Variants in PCDH7 observed in about 807,000 individuals in gnomAD.
The protein encoded by PCDH7 is protocadherin 7.
PCDH7 carries 17 observed loss-of-function variants against 58.9 expected under a neutral mutation model. That is an observed-to-expected ratio of 0.29 (90% CI 0.20 to 0.43). The LOEUF (loss-of-function observed/expected upper bound fraction) is 0.43. Ranked by LOEUF, PCDH7 falls within the 20% of genes least tolerant of loss-of-function variation. The pLI is 1.00. For missense variants in PCDH7, 1,274 were observed against 1,441.0 expected, an observed-to-expected ratio of 0.88 and a Z score of 1.88; for synonymous variants, 664 against 616.4, an observed-to-expected ratio of 1.08 and a Z score of -1.14.
At chr4:30,844,530 C>A (rs532622762) in intron 1 of PCDH7, among the ~76,000 whole-genome samples, 1 of 152,144 alleles carries the variant, frequency 6.6e-6, no homozygotes, top group African/African-American at 2.4e-5. Flanking sequence ...CTAGCTTTTT[C>A]AAGGAACAGC....
intron 3 of PCDH7, among the ~76,000 whole-genome samples, chr4:31,069,610 G>T (rs1018868983): frequency 6.6e-6 from 1 of 151,914 alleles, no homozygotes; most frequent in African/African-American, 2.4e-5. Flanking sequence ...TTTAGTTTTT[G>T]CATAATGTTT....
At chr4:30,925,338 C>T (rs1743719260) in intron 2 of PCDH7, among the ~76,000 whole-genome samples, 1 of 152,100 alleles carries the variant, frequency 6.6e-6, no homozygotes, top group African/African-American at 2.4e-5. Context: ...CTCCTTTTCT[C>T]CTGTCTCCCA....
intron 3 of PCDH7, among the ~76,000 whole-genome samples, chr4:31,015,194 G>A (rs996214719): frequency 8.5e-5 from 13 of 152,122 alleles, no homozygotes; most frequent in African/African-American, 2.9e-4. Flanking sequence ...TGGAAACAGC[G>A]CTACTTCATG....
intron 3 of PCDH7, among the ~76,000 whole-genome samples, chr4:31,027,663 C>T (rs568440774): frequency 1.8e-4 from 27 of 152,168 alleles, no homozygotes; most frequent in Admixed American, 5.9e-4. Context: ...CCTCATGTAC[C>T]GCCCACCTTG....
intron 3 of PCDH7, among the ~76,000 whole-genome samples, chr4:30,971,000 C>T (rs1387374474): frequency 1.3e-5 from 2 of 152,176 alleles, no homozygotes; most frequent in Non-Finnish European, 2.9e-5. Context: ...AGGAATATTA[C>T]GTGCAGCTCA....
intron 3 of PCDH7, among the ~76,000 whole-genome samples, chr4:31,041,615 G>A (rs773649124): frequency 3.9e-4 from 59 of 151,994 alleles, no homozygotes; most frequent in Non-Finnish European, 7.6e-4. Flanking sequence ...ACAACGAAAA[G>A]AATTGTCCCC....
At chr4:31,113,839 T>A (rs1716649088) in intron 3 of PCDH7, among the ~76,000 whole-genome samples, 1 of 146,744 alleles carries the variant, frequency 6.8e-6, no homozygotes, top group African/African-American at 2.5e-5. Context: ...TTCTTTTTTT[T>A]TTTTTTTTTT....
At chr4:31,105,560 T>C (rs1715449606) in intron 3 of PCDH7, among the ~76,000 whole-genome samples, 1 of 152,154 alleles carries the variant, frequency 6.6e-6, no homozygotes, top group Non-Finnish European at 1.5e-5. Context: ...ATCAGCAATA[T>C]CACTGAAATG....
intron 3 of PCDH7, among the ~76,000 whole-genome samples, chr4:31,048,912 T>C (rs1234639129): frequency 6.6e-6 from 1 of 152,060 alleles, no homozygotes; most frequent in Non-Finnish European, 1.5e-5. Flanking sequence ...AGAATAAAAG[T>C]ATAGTCAGGA....
chr4:30,957,905 A>G (rs555196946), intron 3 of PCDH7, among the ~76,000 whole-genome samples: 39 of 152,250 alleles, frequency 2.6e-4, no homozygotes, highest in Non-Finnish European at 5.1e-4. Flanking sequence ...GATAATTTCC[A>G]AGTATTTTTG....
At chr4:31,111,778 T>A (rs942720161) in intron 3 of PCDH7, among the ~76,000 whole-genome samples, 1 of 152,192 alleles carries the variant, frequency 6.6e-6, no homozygotes, top group Non-Finnish European at 1.5e-5. Flanking sequence ...CAGTGCCAAA[T>A]CATTCCTGCA....
intron 3 of PCDH7, among the ~76,000 whole-genome samples, chr4:31,081,450 A>G (rs1166206033): frequency 6.6e-6 from 1 of 152,190 alleles, no homozygotes; most frequent in Non-Finnish European, 1.5e-5. Flanking sequence ...TGGAAATGTG[A>G]TAGATTTAGA....
At chr4:31,038,227 T>C (rs1755570652) in intron 3 of PCDH7, among the ~76,000 whole-genome samples, 1 of 152,252 alleles carries the variant, frequency 6.6e-6, no homozygotes, top group Non-Finnish European at 1.5e-5. Context: ...TAGATCAGTG[T>C]TTAAGATTTA....
At chr4:30,939,275 C>A (rs1048800813) in intron 2 of PCDH7, among the ~76,000 whole-genome samples, 6 of 152,080 alleles carry the variant, frequency 3.9e-5, no homozygotes, top group Admixed American at 2.0e-4. Context: ...ATAACCATTT[C>A]AGTATTGTGG....
At chr4:30,784,276 A>C (rs1327514998) in intron 1 of PCDH7, among the ~76,000 whole-genome samples, 2 of 152,198 alleles carry the variant, frequency 1.3e-5, no homozygotes, top group Non-Finnish European at 2.9e-5. Flanking sequence ...GATTCAAGAT[A>C]GGCACTTTTT....
chr4:30,960,222 A>T (rs1170843317), intron 3 of PCDH7, among the ~76,000 whole-genome samples: 1 of 151,342 alleles, frequency 6.6e-6, no homozygotes, highest in Non-Finnish European at 1.5e-5. Context: ...CCCCAGTGCA[A>T]TTTGGAGATG....
intron 3 of PCDH7, among the ~76,000 whole-genome samples, chr4:30,978,575 C>A (rs550921615): frequency 2.6e-5 from 4 of 152,140 alleles, no homozygotes; most frequent in African/African-American, 9.6e-5. Context: ...TGATCTCAGG[C>A]AAGTTTTAAA....
At chr4:30,986,966 C>T (rs1275670939) in intron 3 of PCDH7, among the ~76,000 whole-genome samples, 5 of 148,890 alleles carry the variant, frequency 3.4e-5, no homozygotes, top group African/African-American at 4.9e-5. Flanking sequence ...GACGACAGAG[C>T]GAGATTCCGT....
intron 1 of PCDH7, among the ~76,000 whole-genome samples, chr4:30,871,363 T>C (rs756295379): frequency 1.6e-4 from 25 of 152,036 alleles, no homozygotes; most frequent in Non-Finnish European, 2.8e-4. Context: ...CCATGACCTG[T>C]AGGACCTCTG....
Sources: gnomAD v4.1 joint callset for allele counts (sites outside exome capture counted in the v4.1 genomes callset) on GRCh38, gnomAD v4.1.1 for gene constraint, MANE v1.5 for transcripts, NCBI Gene and HGNC (gene_info 2026-07-23, HGNC 2026-07-21) for gene names.